EXOC4: variants seen among roughly 807,000 people sequenced by gnomAD.
The protein encoded by EXOC4 is SEC8-like 1.
A neutral mutation model predicts 107.2 loss-of-function variants in EXOC4; 71 were observed. That is an observed-to-expected ratio of 0.66 (90% confidence interval 0.55 to 0.81). The LOEUF (loss-of-function observed/expected upper bound fraction) is 0.81, where lower values mean the gene tolerates loss of function less well. EXOC4 is among the 30% of genes least tolerant of loss of function. The probability of loss-of-function intolerance (pLI) is 0.00; values close to 1 mark genes in which losing one functional copy is unlikely to be tolerated. For missense variants in EXOC4, 1,108 were observed against 1,189.6 expected (o/e 0.93, Z 1.01); for synonymous variants, 456 against 441.2 (o/e 1.03, Z -0.42).
At chr7:133,287,182 C>T (rs1794299020) in intron 2 of EXOC4, among the ~76,000 whole-genome samples, 2 of 152,118 alleles carry the variant, frequency 1.3e-5, no homozygotes, top group South Asian at 4.2e-4. Context: ...CTTTATGCTT[C>T]AAAAAATTTC....
In EXOC4 at chr7:133,423,253, T is replaced by A. The variant is rs1414163659; in HGVS notation, c.1182+48251T>A. On this transcript the variant is annotated intron_variant, in intron 7 of 17. Coordinates refer to ENST00000253861, the MANE Select transcript of EXOC4 (RefSeq NM_021807.4). ...AAAAAAAAAAAAAAAAAAAAAAAAA[T>A]AGAATTAATGGAGCAATCCAAAATG... Among the ~76,000 whole-genome samples the A allele has an allele frequency of 1.4e-4, 20 of 146,358 alleles. 1 individual carries two copies. The highest frequency in any genetic ancestry group is 4.5e-4 in the African/African-American group (18 of 39,818).
intron 7 of EXOC4, among the ~76,000 whole-genome samples, chr7:133,463,774 T>A (rs1467873955): frequency 6.6e-6 from 1 of 152,100 alleles, no homozygotes; most frequent in Non-Finnish European, 1.5e-5. Context: ...GTAATTGAGA[T>A]CTTTATTGTA....
chr7:134,024,288 A>G (rs1344260250), intron 17 of EXOC4, among the ~76,000 whole-genome samples: 2 of 152,034 alleles, frequency 1.3e-5, no homozygotes, highest in African/African-American at 4.8e-5. Flanking sequence ...GTCTCTACTA[A>G]AAAATACAAA....
chr7:134,063,971 A>T (rs895700439), intron 17 of EXOC4, among the ~76,000 whole-genome samples: 1 of 152,156 alleles, frequency 6.6e-6, no homozygotes, highest in Non-Finnish European at 1.5e-5. Flanking sequence ...TCTTCAGGCT[A>T]TACCCCTACT....
chr7:134,082,989 G>C, the EXOC4 span, among the ~76,000 whole-genome samples: 1 of 152,182 alleles, frequency 6.6e-6, no homozygotes, highest in Non-Finnish European at 1.5e-5. Flanking sequence ...GTTACTGAGG[G>C]GACAGGGAGT....
At chr7:133,748,139 C>T (rs1333044382) in intron 10 of EXOC4, among the ~76,000 whole-genome samples, 1 of 152,160 alleles carries the variant, frequency 6.6e-6, no homozygotes, top group Non-Finnish European at 1.5e-5. Flanking sequence ...TGACCAGAGA[C>T]ACTGCAAAGC....
chr7:133,941,199 A>G (rs2116742968), intron 14 of EXOC4, among the ~76,000 whole-genome samples: 1 of 152,068 alleles, frequency 6.6e-6, no homozygotes, highest in South Asian at 2.1e-4. Context: ...GGGTTTCACT[A>G]CATTGCCCAG....
chr7:133,905,080 G>C (rs751452927), intron 12 of EXOC4, among the ~76,000 whole-genome samples: 17 of 152,242 alleles, frequency 1.1e-4, no homozygotes, highest in Non-Finnish European at 2.2e-4. Flanking sequence ...AAGGAGGAAG[G>C]GAGCAGGAAG....
At chr7:133,906,751 G>C (rs1167973125) in intron 12 of EXOC4, among the ~76,000 whole-genome samples, 1 of 152,232 alleles carries the variant, frequency 6.6e-6, no homozygotes, top group Non-Finnish European at 1.5e-5. Context: ...AGATCCGGCA[G>C]GGTGTCCACT....
At chr7:133,818,562 G>A (rs1797430678) in intron 11 of EXOC4, among the ~76,000 whole-genome samples, 1 of 152,146 alleles carries the variant, frequency 6.6e-6, no homozygotes, top group Non-Finnish European at 1.5e-5. Flanking sequence ...TGATAAAATA[G>A]AATAGGAAGA....
chr7:133,300,860 T>C (rs1794625709), intron 3 of EXOC4, among the ~76,000 whole-genome samples: 1 of 151,308 alleles, frequency 6.6e-6, no homozygotes, highest in Non-Finnish European at 1.5e-5. Flanking sequence ...TTCTTATGGT[T>C]CAAGTTAATA....
chr7:133,951,020 A>G (rs1030265592), intron 14 of EXOC4, among the ~76,000 whole-genome samples: 1 of 152,222 alleles, frequency 6.6e-6, no homozygotes, highest in Non-Finnish European at 1.5e-5. Flanking sequence ...ATGCTGCTGT[A>G]TCTGCCTCTC....
At chr7:133,441,994 A>C (rs566736196) in intron 7 of EXOC4, among the ~76,000 whole-genome samples, 3 of 152,224 alleles carry the variant, frequency 2.0e-5, no homozygotes, top group Middle Eastern at 3.2e-3. Context: ...ATCCTGGAAG[A>C]CTGTGAAATG....
intron 10 of EXOC4, among the ~76,000 whole-genome samples, chr7:133,748,637 A>G (rs1426751091): frequency 1.3e-5 from 2 of 152,194 alleles, no homozygotes; most frequent in Non-Finnish European, 2.9e-5. Flanking sequence ...GTTGAGGTCT[A>G]GAGAAATCCA....
At chr7:133,288,894 A>G (rs755906417) in intron 2 of EXOC4, 28 bp from the exon 3 acceptor site, 1 of 1,607,536 alleles carries the variant, frequency 6.2e-7, no homozygotes, top group East Asian at 2.2e-5. Flanking sequence ...CTTTGGACTG[A>G]CCCAAGACCG....
At chr7:134,046,864 T>C (rs1201510755) in intron 17 of EXOC4, among the ~76,000 whole-genome samples, 1 of 152,054 alleles carries the variant, frequency 6.6e-6, no homozygotes, top group Admixed American at 6.6e-5. Context: ...GGGCGGGCTG[T>C]AGGGGGAGCA....
chr7:133,692,138 C>T (rs546056374), intron 10 of EXOC4, among the ~76,000 whole-genome samples: 2 of 152,094 alleles, frequency 1.3e-5, no homozygotes, highest in East Asian at 1.9e-4. Context: ...ATTTATGAAG[C>T]AGTAGTAACA....
At chr7:133,816,059 T>C (rs1797361504) in intron 10 of EXOC4, among the ~76,000 whole-genome samples, 1 of 152,198 alleles carries the variant, frequency 6.6e-6, no homozygotes. Flanking sequence ...CAGTTGCTAA[T>C]AGACATTGGA....
intron 9 of EXOC4, among the ~76,000 whole-genome samples, chr7:133,548,558 G>C (rs1026118740): frequency 3.3e-5 from 5 of 152,198 alleles, no homozygotes; most frequent in Non-Finnish European, 1.5e-5. Flanking sequence ...ATCTTGGCTA[G>C]ATCTTCTGAA....
Sources: gnomAD v4.1 joint callset for allele counts (sites outside exome capture counted in the v4.1 genomes callset) on GRCh38, gnomAD v4.1.1 for gene constraint, MANE v1.5 for transcripts, NCBI Gene and HGNC (gene_info 2026-07-23, HGNC 2026-07-21) for gene names.